EBLN1: variants seen among roughly 807,000 people sequenced by gnomAD.
EBLN1 encodes the protein endogenous Bornavirus-like nucleoprotein 1.
Under a neutral mutation model 0.8 loss-of-function variants are expected in EBLN1, and 1 was observed. The ratio of observed to expected loss-of-function variants is 1.32; its 90% CI spans 0.47 to 6.26. The LOEUF (loss-of-function observed/expected upper bound fraction) is 6.26, where lower values mean the gene tolerates loss of function less well. EBLN1 is among the 30% of genes most tolerant of loss of function. The pLI, the probability that EBLN1 is intolerant of heterozygous loss-of-function variation, is 0.15. For missense variants in EBLN1, 396 were observed against 447.9 expected (o/e 0.88, Z 1.05); for synonymous variants, 158 against 158.5 (o/e 1.00, Z 0.02).
At chr10:22,213,431 T>C (rs906810416) in intron 1 of EBLN1, among the ~76,000 whole-genome samples, 4 of 152,148 alleles carry the variant, frequency 2.6e-5, no homozygotes, top group Admixed American at 1.3e-4. Context: ...AAGACATACC[T>C]GTGAAAAGAA....
At chr10:22,214,018 T>C (rs749359518) in intron 1 of EBLN1, among the ~76,000 whole-genome samples, 28 of 151,684 alleles carry the variant, frequency 1.8e-4, no homozygotes, top group Middle Eastern at 3.4e-3. Flanking sequence ...CATCAGAACA[T>C]GTAAAAAAAA....
intron 2 of EBLN1, among the ~76,000 whole-genome samples, chr10:22,211,158 A>G (rs1362192451): frequency 6.6e-6 from 1 of 152,212 alleles, no homozygotes; most frequent in Non-Finnish European, 1.5e-5. Context: ...TCTTAATGCA[A>G]TGAAAGGTTA....
chr10:22,209,978 G>A lies in EBLN1; in HGVS notation c.6C>T (p.Ser2=). The A allele has an allele frequency of 3.6e-6, 5 of 1,400,192 alleles. No individual in the cohort carries two copies. The South Asian group carries it at 5.4e-5, about 15-fold the overall frequency. The allele number at this position is 1,400,192 out of a possible 1,614,324, so 86.7% of individuals were successfully genotyped here. A position where few individuals can be genotyped will look rare whatever the true frequency, so the allele number is the denominator to read the frequency against. ...TGGTCTGTGGGTTGTTTCTTGGGCG[G>A]GACATTGTGGGTGATTGTTTCTGTG... M[S]RPRNNPQTSS... is the part of the protein sequence containing the mutation. The change falls in exon 3 of 3, where the codon TCC becomes TCT. Residue 2 remains serine, a synonymous_variant. Transcript: ENST00000422359.
rs1337394516 is a variant in EBLN1, at chr10:22,212,851, T to C, written c.-54A>G. On this transcript the variant is annotated 5_prime_UTR_variant, in exon 2 of 3. Transcript: ENST00000422359. The stretch of plus-strand genomic sequence containing the variant: ...GCATGGTGGCACGTACCTGCAGTCC[T>C]AGCTACTTTGGAGGCTGAGGTAGGA... Among the ~76,000 whole-genome samples, 2 of 151,004 alleles carry C rather than the reference T, an allele frequency of 1.3e-5. No homozygotes were observed. The highest frequency in any genetic ancestry group is 3.0e-5 in the Non-Finnish European group (2 of 67,716).
Position 22,209,646 on chromosome 10 carries a change from G to A in EBLN1, c.338C>T (p.Thr113Ile). The change falls in exon 3 of 3, where the codon ACA (threonine) becomes ATA (isoleucine). Residue 113 changes from threonine (T) to isoleucine (I), a missense_variant. Thr to Ile is a moderately conservative substitution (Grantham distance 89). Transcript: ENST00000422359. ...NIVIGNENKE[T>I]GTLYASKFED... ...AAATTTGCTAGCATAGAGAGTACCT[G>A]TTTCCTTGTTCTCATTCCCAATCAC... 1.3e-6 allele frequency: 2 copies of A among 1,535,792 alleles called. No homozygotes were observed. The highest frequency in any genetic ancestry group is 1.7e-6 in the Non-Finnish European group (2 of 1,146,886).
chr10:22,216,503 C>T (rs1258244668), intron 1 of EBLN1, among the ~76,000 whole-genome samples: 2 of 152,240 alleles, frequency 1.3e-5, no homozygotes, highest in East Asian at 3.9e-4. Context: ...AAGCTACTTG[C>T]ATCAAAATGA....
In EBLN1 at chr10:22,209,922, C is replaced by T. The variant is rs1834734819; in HGVS notation, c.62G>A (p.Ser21Asn). 2.0e-6 allele frequency: 3 copies of T among 1,469,590 alleles called. No homozygotes were observed. The highest frequency in any genetic ancestry group is 2.8e-5 in the South Asian group (2 of 71,908). 91.0% of individuals were successfully genotyped at this position (1,469,590 alleles called of 1,614,324 possible). ...TCTCCCTTGAAAGTAATGGAAGCTG[C>T]TCCCATCCTTTGTACTGTCTTGTGG... ...SSPQDSTKDG[S>N]SFHYFQGRFE... Residue 21 changes from serine to asparagine, a missense_variant, in exon 3 of 3, where the codon AGC becomes AAC. Physicochemically the swap from Ser to Asn is conservative, Grantham distance 46 (BLOSUM62 1). Transcript: ENST00000422359.
intron 1 of EBLN1, among the ~76,000 whole-genome samples, chr10:22,217,314 T>C (rs1191645818): frequency 6.6e-6 from 1 of 152,128 alleles, no homozygotes; most frequent in Non-Finnish European, 1.5e-5. Flanking sequence ...TTAGTAGAGA[T>C]AGGGTTTCAC....
At chr10:22,214,861 A>T (rs1031219815) in intron 1 of EBLN1, among the ~76,000 whole-genome samples, 15 of 152,230 alleles carry the variant, frequency 9.9e-5, no homozygotes, top group Non-Finnish European at 1.9e-4. Context: ...AGCATTATTT[A>T]TAACAGTCAA....
rs1834735381 is a variant in EBLN1, at chr10:22,209,961, G to A, written c.23C>T (p.Pro8Leu). The change falls in exon 3 of 3, where the codon CCA (proline) becomes CTA (leucine). Residue 8 changes from proline (P) to leucine (L), a missense_variant. Physicochemically the swap from Pro to Leu is moderately conservative, Grantham distance 98. Coordinates refer to ENST00000422359, the MANE Select transcript of EBLN1 (RefSeq NM_001394757.1). ...ACTGTCTTGTGGGCTGCTGGTCTGTGGGTTGTTTCTTGGGCGGGACATTGT... is the reference window on the plus strand; with the variant it reads ...ACTGTCTTGTGGGCTGCTGGTCTGTAGGTTGTTTCTTGGGCGGGACATTGT... MSRPRNN[P>L]QTSSPQDSTK... 7.0e-7 allele frequency: 1 copy of A among 1,420,720 alleles called. No homozygotes were observed. Among genetic ancestry groups the A allele is most frequent in the Non-Finnish European group, 9.2e-7 (1 of 1,091,416 alleles). The allele number at this position is 1,420,720 out of a possible 1,614,324, so 88.0% of individuals were successfully genotyped here. A position where few individuals can be genotyped will look rare whatever the true frequency, so the allele number is the denominator to read the frequency against.
At chr10:22,215,503 T>C (rs1221977752) in intron 1 of EBLN1, among the ~76,000 whole-genome samples, 1 of 152,192 alleles carries the variant, frequency 6.6e-6, no homozygotes, top group Admixed American at 6.5e-5. Context: ...AAGGAGATAG[T>C]ATTAATATTT....
chr10:22,215,760 C>T (rs1400742050), intron 1 of EBLN1, among the ~76,000 whole-genome samples: 1 of 152,026 alleles, frequency 6.6e-6, no homozygotes, highest in Non-Finnish European at 1.5e-5. Flanking sequence ...TACAAAGACC[C>T]TCATTTCAGC....
chr10:22,217,764 A>C (rs1002671631), intron 1 of EBLN1, among the ~76,000 whole-genome samples, 152 bp downstream of exon 1: 5 of 152,220 alleles, frequency 3.3e-5, no homozygotes, highest in African/African-American at 1.2e-4. Flanking sequence ...CTCCTAAATA[A>C]CTTCTAAGTC....
chr10:22,217,142 T>C (rs11012895), intron 1 of EBLN1, among the ~76,000 whole-genome samples: 1 of 152,212 alleles, frequency 6.6e-6, no homozygotes, highest in Non-Finnish European at 1.5e-5. Context: ...TTTTTTTGTT[T>C]TGAGACGGAG....
chr10:22,213,396 C>T (rs1210129192), intron 1 of EBLN1, among the ~76,000 whole-genome samples: 1 of 151,964 alleles, frequency 6.6e-6, no homozygotes, highest in Non-Finnish European at 1.5e-5. Context: ...TAATATATTA[C>T]AAATATATAA....
intron 1 of EBLN1, among the ~76,000 whole-genome samples, chr10:22,216,859 G>C (rs1453776409): frequency 6.6e-6 from 1 of 152,086 alleles, no homozygotes; most frequent in Non-Finnish European, 1.5e-5. Context: ...CTCCATCTCT[G>C]TTTTGCCAAA....
At chr10:22,216,901 C>T (rs1045711050) in intron 1 of EBLN1, among the ~76,000 whole-genome samples, 3 of 152,034 alleles carry the variant, frequency 2.0e-5, no homozygotes, top group African/African-American at 4.8e-5. Flanking sequence ...TATGATTTTC[C>T]TTAAGACTAT....
At chr10:22,216,295 T>A (rs1834791872) in intron 1 of EBLN1, among the ~76,000 whole-genome samples, 1 of 152,134 alleles carries the variant, frequency 6.6e-6, no homozygotes, top group South Asian at 2.1e-4. Context: ...AAATTAGTGA[T>A]AACATACCCC....
intron 1 of EBLN1, among the ~76,000 whole-genome samples, chr10:22,217,218 T>C (rs2131947145): frequency 6.6e-6 from 1 of 152,346 alleles, no homozygotes; most frequent in Non-Finnish European, 1.5e-5. Flanking sequence ...CTTCGCCTCC[T>C]GGGTTCAAGT....
Sources: allele counts gnomAD v4.1 joint callset (sites outside exome capture counted in the v4.1 genomes callset), GRCh38; gene constraint gnomAD v4.1.1; transcripts MANE v1.5; gene names NCBI Gene and HGNC (gene_info 2026-07-23, HGNC 2026-07-21).